The following PCP4 variants were observed in gnomAD, a reference collection of about 807,000 sequenced individuals.
PCP4 encodes the protein calmodulin regulator protein PCP4.
PCP4 carries 8 observed loss-of-function variants against 10.0 expected under a neutral mutation model. The observed-to-expected ratio is 0.80, with a 90% CI of 0.47 to 1.45. PCP4 has a LOEUF of 1.45. PCP4 is among the 40% of genes most tolerant of loss of function. The pLI, the probability that PCP4 is intolerant of heterozygous loss-of-function variation, is 0.00. For synonymous variants in PCP4, 21 were observed against 23.0 expected (o/e 0.91, Z 0.24); for missense variants, 54 against 74.4 (o/e 0.73, Z 1.01).
intron 2 of PCP4, among the ~76,000 whole-genome samples, chr21:39,912,856 C>T (rs759140195): frequency 1.3e-5 from 2 of 152,098 alleles, no homozygotes; most frequent in Non-Finnish European, 2.9e-5. Context: ...ACTACAGGTG[C>T]GGGCCACTAT....
intron 2 of PCP4, among the ~76,000 whole-genome samples, chr21:39,902,725 G>T (rs564574073): frequency 3.9e-5 from 6 of 152,174 alleles, no homozygotes; most frequent in African/African-American, 1.4e-4. Context: ...AAATATTAGG[G>T]TTATAATTTT....
At chr21:39,918,249 G>C (rs62236579) in intron 2 of PCP4, among the ~76,000 whole-genome samples, 20,029 of 152,118 alleles carry the variant, frequency 0.13, 1,395 homozygotes, top group East Asian at 0.24. Flanking sequence ...TAAATTTGGA[G>C]GAAGATCTGA....
chr21:39,915,302 G>A (rs1227159105), intron 2 of PCP4, among the ~76,000 whole-genome samples: 1 of 152,116 alleles, frequency 6.6e-6, no homozygotes, highest in Non-Finnish European at 1.5e-5. Flanking sequence ...TTCAGAAACT[G>A]AATGGATGCA....
intron 2 of PCP4, among the ~76,000 whole-genome samples, chr21:39,927,308 A>ATC (rs2087627128): frequency 8.4e-6 from 1 of 118,682 alleles, no homozygotes; most frequent in African/African-American, 2.9e-5. Flanking sequence ...CTATCTATCT[A>ATC]TCTATCTATC....
intron 2 of PCP4, 135 bp downstream of exon 2, chr21:39,898,662 A>G: frequency 1.5e-6 from 1 of 663,518 alleles, no homozygotes; most frequent in Non-Finnish European, 2.6e-6. Flanking sequence ...AGAGGATTTT[A>G]GCAATTCACA....
At chr21:39,874,316 A>G (rs143931246) in intron 1 of PCP4, among the ~76,000 whole-genome samples, 1,595 of 152,286 alleles carry the variant, frequency 0.01, 24 homozygotes, top group African/African-American at 0.036. Context: ...GTAGTTCAAA[A>G]GACAACTTTT....
chr21:39,905,972 C>T (rs534750022), intron 2 of PCP4, among the ~76,000 whole-genome samples: 2 of 152,266 alleles, frequency 1.3e-5, no homozygotes, highest in South Asian at 4.2e-4. Context: ...ATGGCGTGAA[C>T]CCAGGAGGCA....
Position 39,906,087 on chromosome 21 carries a change from C to T in PCP4, c.61+7560C>T, listed in dbSNP as rs114307929. Among the ~76,000 whole-genome samples, 1,108 of 152,286 alleles carry T rather than the reference C, an allele frequency of 7.3e-3. 13 individuals are homozygous for T. The highest frequency in any genetic ancestry group is 0.025 in the African/African-American group (1,059 of 41,562). ...CATGCTGTCTTCCCTTTGATGTTACCATGGCCTTGCAGGTGGGTTGGGAGA... is the reference window on the plus strand; with the variant it reads ...CATGCTGTCTTCCCTTTGATGTTACTATGGCCTTGCAGGTGGGTTGGGAGA... On this transcript the variant is annotated intron_variant, in intron 2 of 2. Coordinates refer to ENST00000328619, the MANE Select transcript of PCP4 (RefSeq NM_006198.3). This position sits in a 1 kb window ranked among gnomAD's most constrained non-coding sequence, Gnocchi z 6.3.
chr21:39,871,681 A>G (rs953285094), intron 1 of PCP4, among the ~76,000 whole-genome samples: 2 of 147,578 alleles, frequency 1.4e-5, no homozygotes, highest in Non-Finnish European at 3.0e-5. Context: ...AACTTTTCCT[A>G]ATAGAGAAGA....
intron 2 of PCP4, among the ~76,000 whole-genome samples, chr21:39,902,371 C>G (rs188908236): frequency 6.6e-6 from 1 of 152,050 alleles, no homozygotes; most frequent in Admixed American, 6.6e-5. Context: ...ACTACAGGTG[C>G]CTTGAAATTA....
chr21:39,869,856 T>C (rs2087311576), intron 1 of PCP4, among the ~76,000 whole-genome samples: 1 of 152,224 alleles, frequency 6.6e-6, no homozygotes, highest in Non-Finnish European at 1.5e-5. Context: ...TTTCAGATCA[T>C]CATTTACTTG....
rs1378555593 is a variant in PCP4, at chr21:39,880,130, G to GTATCTATA, written c.9+12622_9+12629dup. Among the ~76,000 whole-genome samples the GTATCTATA allele has an allele frequency of 1.1e-3, 151 of 141,598 alleles. 1 individual carries two copies. Among genetic ancestry groups the GTATCTATA allele is most frequent in the African/African-American group, 3.7e-3 (142 of 38,408 alleles). The allele number at this position is 141,598 out of a possible 152,430, so 92.9% of individuals were successfully genotyped here. A position where few individuals can be genotyped will look rare whatever the true frequency, so the allele number is the denominator to read the frequency against. ...TCTATCTATATCTATATCTATATCT[G>GTATCTATA]TATCTATATCTATATCTATATCTAT... On this transcript the variant is annotated intron_variant, in intron 1 of 2. Coordinates refer to ENST00000328619, the MANE Select transcript of PCP4 (RefSeq NM_006198.3).
At chr21:39,908,493 C>T (rs114121625) in intron 2 of PCP4, among the ~76,000 whole-genome samples, 4,551 of 152,230 alleles carry the variant, frequency 0.03, 118 homozygotes, top group African/African-American at 0.066. Context: ...TGGGCAGGCA[C>T]GGTTCTCCCC....
chr21:39,919,712 TTG>T (rs536815213), intron 2 of PCP4, among the ~76,000 whole-genome samples: 2 of 148,076 alleles, frequency 1.4e-5, no homozygotes, highest in Non-Finnish European at 1.5e-5. Context: ...TGTGTGTGGT[TTG>T]TGTGTGTGTG....
intron 1 of PCP4, chr21:39,898,229 C>G: frequency 3.8e-6 from 2 of 531,372 alleles, no homozygotes; most frequent in Non-Finnish European, 3.4e-6. Context: ...CCTGGTTTCT[C>G]TTGTTACTGG....
intron 2 of PCP4, 145 bp downstream of exon 2, chr21:39,898,672 A>G (rs2087468975): frequency 1.6e-6 from 1 of 642,916 alleles, no homozygotes; most frequent in Non-Finnish European, 2.7e-6. Context: ...AGCAATTCAC[A>G]GTGAGCACTG....
intron 2 of PCP4, among the ~76,000 whole-genome samples, chr21:39,912,435 T>G (rs1366629353): frequency 6.6e-6 from 1 of 152,132 alleles, no homozygotes; most frequent in African/African-American, 2.4e-5. Context: ...CACTTTATTT[T>G]TGGTTTGTAA....
At chr21:39,885,829 G>A (rs2087398255) in intron 1 of PCP4, among the ~76,000 whole-genome samples, 1 of 152,252 alleles carries the variant, frequency 6.6e-6, no homozygotes, top group African/African-American at 2.4e-5. Flanking sequence ...CTATGTTGCT[G>A]TCTGAATGTA....
chr21:39,887,358 T>G (rs1220860879), intron 1 of PCP4, among the ~76,000 whole-genome samples: 1 of 89,782 alleles, frequency 1.1e-5, no homozygotes, highest in Non-Finnish European at 2.3e-5. Context: ...GTTTTTTGGT[T>G]TTTTTTTTTT....
Sources: allele counts gnomAD v4.1 joint callset (sites outside exome capture counted in the v4.1 genomes callset), GRCh38; gene constraint gnomAD v4.1.1; non-coding constraint Gnocchi (gnomAD v3.1); transcripts MANE v1.5; gene names NCBI Gene and HGNC (gene_info 2026-07-23, HGNC 2026-07-21).